The following SH3D19 variants were observed in gnomAD, a reference collection of about 807,000 sequenced individuals.
SH3D19 encodes the protein SH3 domain containing 19.
A neutral mutation model predicts 112.1 loss-of-function variants in SH3D19; 58 were observed. The observed-to-expected ratio is 0.52, with a 90% CI of 0.42 to 0.64. The LOEUF (loss-of-function observed/expected upper bound fraction) is 0.64. SH3D19 is among the 30% of genes least tolerant of loss of function. The probability of loss-of-function intolerance (pLI) is 0.00; values close to 1 mark genes in which losing one functional copy is unlikely to be tolerated. For missense variants in SH3D19, 1,090 were observed against 1,263.4 expected (o/e 0.86, Z 2.08); for synonymous variants, 391 against 448.5 (o/e 0.87, Z 1.62).
intron 1 of SH3D19, chr4:151,283,366 G>A: frequency 7.5e-7 from 1 of 1,335,290 alleles, no homozygotes; most frequent in Admixed American, 1.8e-5. Flanking sequence ...GTAAATAACA[G>A]TGGATTGGGA....
At chr4:151,241,782 ATGAG>A (rs1466003144) in intron 1 of SH3D19, among the ~76,000 whole-genome samples, 2 of 152,028 alleles carry the variant, frequency 1.3e-5, no homozygotes, top group African/African-American at 4.8e-5. Flanking sequence ...CCCTGATTAA[ATGAG>A]TGAATGGTTG....
chr4:151,127,664 G>T lies in SH3D19; in HGVS notation c.2981C>A (p.Ala994Asp). 6.2e-7 allele frequency: 1 copy of T among 1,605,978 alleles called. No homozygotes were observed. ...ATTCTCCCCTCGGAAATCATATAAG[G>T]CTTTGGCCTTCCTCCCCTTCGGTAC... ...AIVPKGRKAK[A>D]LYDFRGENED... is the part of the protein sequence containing the mutation. Residue 994 changes from alanine to aspartate, a missense_variant, in exon 19 of 20, where the codon GCC becomes GAC. By Grantham distance (126) the Ala-to-Asp change is moderately radical (BLOSUM62 -2). Coordinates refer to ENST00000604030, the MANE Select transcript of SH3D19 (RefSeq NM_001378122.1).
chr4:151,150,834 C>T (rs1754918971), intron 9 of SH3D19, among the ~76,000 whole-genome samples: 1 of 151,814 alleles, frequency 6.6e-6, no homozygotes, highest in African/African-American at 2.4e-5. Context: ...TGTTATAGCC[C>T]AAGGATTGGG....
At chr4:151,237,718 TCTA>T (rs779406611) in intron 1 of SH3D19, among the ~76,000 whole-genome samples, 11 of 152,214 alleles carry the variant, frequency 7.2e-5, no homozygotes, top group African/African-American at 1.2e-4. Flanking sequence ...TCAATAAACA[TCTA>T]CTATTATGAT....
At chr4:151,267,173 T>A (rs11332443) in intron 1 of SH3D19, among the ~76,000 whole-genome samples, 67,405 of 112,750 alleles carry the variant, frequency 0.6, 16,801 homozygotes, top group Middle Eastern at 0.74. Flanking sequence ...AAAAAAAAAA[T>A]AAATAAAATA....
intron 1 of SH3D19, among the ~76,000 whole-genome samples, chr4:151,281,783 A>G (rs957308865): frequency 6.6e-6 from 1 of 152,102 alleles, no homozygotes; most frequent in African/African-American, 2.4e-5. Context: ...TTATTCAGAA[A>G]TGAAGGTCTA....
chr4:151,148,089 T>C lies in SH3D19; in HGVS notation c.1915A>G (p.Asn639Asp). The C allele has an allele frequency of 6.2e-7, 1 of 1,614,152 alleles. No individual in the cohort carries two copies. The highest frequency in any genetic ancestry group is 8.5e-7 in the Non-Finnish European group (1 of 1,180,024). The change falls in exon 11 of 20, where the codon AAT (asparagine) becomes GAT (aspartate). Residue 639 changes from asparagine to aspartate, a missense_variant. Coordinates refer to ENST00000604030, the MANE Select transcript of SH3D19 (RefSeq NM_001378122.1). The stretch of plus-strand genomic sequence containing the variant: ...GATCGATTAAAAGGCAGTTTCTTAT[T>C]AGATCTTCTGGTTGCAGAAAGCTTT... ...PPKLSATRRS[N>D]KKLPFNRSSS...
chr4:151,285,348 T>A (rs765911291), intron 1 of SH3D19, among the ~76,000 whole-genome samples: 1 of 152,180 alleles, frequency 6.6e-6, no homozygotes, highest in Non-Finnish European at 1.5e-5. Flanking sequence ...ATAAACCATA[T>A]GCTAAGCTGT....
intron 3 of SH3D19, among the ~76,000 whole-genome samples, chr4:151,185,146 G>A (rs1761586442): frequency 6.7e-6 from 1 of 149,002 alleles, no homozygotes; most frequent in Non-Finnish European, 1.5e-5. Flanking sequence ...TCCATGGGAA[G>A]TCAGGCACAG....
At chr4:151,296,247 C>G (rs1775709296) in intron 1 of SH3D19, among the ~76,000 whole-genome samples, 1 of 152,082 alleles carries the variant, frequency 6.6e-6, no homozygotes, top group African/African-American at 2.4e-5. Flanking sequence ...ATATTTAGGG[C>G]TCTTCACAGA....
intron 19 of SH3D19, among the ~76,000 whole-genome samples, chr4:151,125,605 G>A (rs986027778): frequency 6.6e-6 from 1 of 151,720 alleles, no homozygotes; most frequent in Admixed American, 6.6e-5. Context: ...TGTAACCCCA[G>A]CACTTTTGGA....
At chr4:151,222,959 G>A (rs12504166) in intron 2 of SH3D19, among the ~76,000 whole-genome samples, 3 of 149,620 alleles carry the variant, frequency 2.0e-5, no homozygotes, top group Admixed American at 6.7e-5. Context: ...GAGCCAACGC[G>A]CCCGGCCTCT....
chr4:151,305,446 A>G (rs1473750114), intron 1 of SH3D19, among the ~76,000 whole-genome samples: 1 of 152,216 alleles, frequency 6.6e-6, no homozygotes, highest in African/African-American at 2.4e-5. Flanking sequence ...TCTATTTAAC[A>G]GTGTCTTTAG....
At chr4:151,295,162 G>A (rs1378976886) in intron 1 of SH3D19, among the ~76,000 whole-genome samples, 1 of 152,240 alleles carries the variant, frequency 6.6e-6, no homozygotes, top group Non-Finnish European at 1.5e-5. Context: ...CATTCTCAGT[G>A]ACATGAGAAG....
intron 2 of SH3D19, among the ~76,000 whole-genome samples, chr4:151,189,673 T>C (rs1762333431): frequency 6.6e-6 from 1 of 152,176 alleles, no homozygotes; most frequent in South Asian, 2.1e-4. Flanking sequence ...GCTTTTCACC[T>C]TCTGCTATGA....
intron 11 of SH3D19, 191 bp from the exon 12 acceptor site, chr4:151,144,241 G>C: frequency 1.2e-6 from 2 of 1,613,974 alleles, no homozygotes; most frequent in South Asian, 2.2e-5. Context: ...GTTCTCCGGG[G>C]TTTTGAGAGA....
intron 1 of SH3D19, among the ~76,000 whole-genome samples, chr4:151,231,230 T>C (rs921103929): frequency 6.6e-6 from 1 of 152,192 alleles, no homozygotes; most frequent in African/African-American, 2.4e-5. Context: ...AAAGATTGCA[T>C]AATTGATTCC....
At chr4:151,180,596 C>T (rs1044326097) in intron 3 of SH3D19, among the ~76,000 whole-genome samples, 21 of 151,176 alleles carry the variant, frequency 1.4e-4, no homozygotes, top group Middle Eastern at 3.4e-3. Flanking sequence ...TTAGTAGATA[C>T]GGGGTTTCAC....
At chr4:151,241,484 G>A (rs959215475) in intron 1 of SH3D19, among the ~76,000 whole-genome samples, 1 of 150,228 alleles carries the variant, frequency 6.7e-6, no homozygotes, top group African/African-American at 2.5e-5. Flanking sequence ...TATGGATTAT[G>A]AAAATGTTCT....
Sources: allele counts gnomAD v4.1 joint callset (sites outside exome capture counted in the v4.1 genomes callset), GRCh38; gene constraint gnomAD v4.1.1; transcripts MANE v1.5; gene names NCBI Gene and HGNC (gene_info 2026-07-23, HGNC 2026-07-21).